The following MDGA2 variants were observed in gnomAD, a reference collection of about 807,000 sequenced individuals.
The protein encoded by MDGA2 is MAM domain-containing glycosylphosphatidylinositol anchor protein 2.
A neutral mutation model predicts 117.8 loss-of-function variants in MDGA2; 40 were observed. That is an observed-to-expected ratio of 0.34 (90% confidence interval 0.26 to 0.44). The LOEUF (loss-of-function observed/expected upper bound fraction) is 0.44. MDGA2 is among the 20% of genes least tolerant of loss of function. The pLI is 1.00. For missense variants in MDGA2, 1,123 were observed against 1,250.6 expected (o/e 0.90, Z 1.54); for synonymous variants, 452 against 439.0 (o/e 1.03, Z -0.37).
chr14:47,301,690 T>C, intron 1 of MDGA2, 140 bp from the exon 2 acceptor site: 1 of 795,198 alleles, frequency 1.3e-6, no homozygotes, highest in South Asian at 2.0e-5. Context: ...TCTTAACACC[T>C]CCCCAAGGCA....
intron 7 of MDGA2, among the ~76,000 whole-genome samples, chr14:47,055,445 A>G (rs1177105178): frequency 6.6e-6 from 1 of 152,020 alleles, no homozygotes; most frequent in African/African-American, 2.4e-5. Context: ...TGCTCTATGG[A>G]ACTCTTGCTG....
intron 10 of MDGA2, among the ~76,000 whole-genome samples, chr14:46,886,494 A>G (rs1465678921): frequency 6.6e-6 from 1 of 152,236 alleles, no homozygotes; most frequent in Non-Finnish European, 1.5e-5. Context: ...AGAAATAATA[A>G]ACACTGAGTT....
At chr14:47,249,776 G>A (rs79268180) in intron 2 of MDGA2, among the ~76,000 whole-genome samples, 6,759 of 152,126 alleles carry the variant, frequency 0.044, 163 homozygotes, top group African/African-American at 0.064. Context: ...GAAGTCCTAC[G>A]GAGTAAGACA....
chr14:47,068,743 G>T (rs555517574), intron 6 of MDGA2, among the ~76,000 whole-genome samples: 1 of 151,882 alleles, frequency 6.6e-6, no homozygotes, highest in Non-Finnish European at 1.5e-5. Context: ...TAGAAAGATT[G>T]GTACAAAATA....
At position 47,599,443 on chromosome 14, in the gene MDGA2, C is replaced by T. The variant is rs1031450379; in HGVS notation, c.280+75074G>A. 2.6e-5 allele frequency among the ~76,000 whole-genome samples: 4 copies of T among 151,880 alleles called. No homozygotes were observed. In the East Asian group the frequency reaches 5.8e-4, roughly 22 times the overall value. On this transcript the variant is annotated intron_variant, in intron 1 of 16. Coordinates refer to ENST00000399232, the MANE Select transcript of MDGA2 (RefSeq NM_001113498.3). Reference sequence around the variant, plus strand: ...CTTACACACAGCTATTTACTGCATTCAATATTTTATTTATTCTAAGAAGTA... The same window carrying T: ...CTTACACACAGCTATTTACTGCATTTAATATTTTATTTATTCTAAGAAGTA...
intron 1 of MDGA2, among the ~76,000 whole-genome samples, chr14:47,510,514 T>G (rs1170357643): frequency 6.6e-6 from 1 of 152,222 alleles, no homozygotes; most frequent in African/African-American, 2.4e-5. Flanking sequence ...GAGTTCTGCC[T>G]AATTTTATTT....
At chr14:47,629,832 A>G (rs1045550813) in intron 1 of MDGA2, among the ~76,000 whole-genome samples, 1 of 152,170 alleles carries the variant, frequency 6.6e-6, no homozygotes, top group African/African-American at 2.4e-5. Context: ...CCCTTGAGGC[A>G]CTTGGGCTTC....
At chr14:47,534,765 G>A (rs867288446) in intron 1 of MDGA2, among the ~76,000 whole-genome samples, 3 of 152,110 alleles carry the variant, frequency 2.0e-5, no homozygotes, top group South Asian at 2.1e-4. Flanking sequence ...GGTATATTGC[G>A]GCACCAATAG....
chr14:47,467,469 C>T (rs1893628335), intron 1 of MDGA2, among the ~76,000 whole-genome samples: 1 of 152,086 alleles, frequency 6.6e-6, no homozygotes, highest in Non-Finnish European at 1.5e-5. Flanking sequence ...TTTCACCCTC[C>T]TCCGTTCATT....
intron 6 of MDGA2, among the ~76,000 whole-genome samples, chr14:47,064,482 T>C (rs1008332661): frequency 6.6e-6 from 1 of 152,104 alleles, no homozygotes; most frequent in African/African-American, 2.4e-5. Context: ...TCATATATAG[T>C]AACAGAGGAC....
intron 3 of MDGA2, among the ~76,000 whole-genome samples, chr14:47,168,284 CAA>C (rs563280796): frequency 1.3e-4 from 8 of 60,186 alleles, no homozygotes; most frequent in Admixed American, 2.0e-4. Context: ...AACTCCATCT[CAA>C]AAAAAAAAAA....
intron 2 of MDGA2, among the ~76,000 whole-genome samples, chr14:47,253,538 C>T (rs542147402): frequency 6.6e-6 from 1 of 152,252 alleles, no homozygotes; most frequent in Non-Finnish European, 1.5e-5. Flanking sequence ...CCAGGGCATG[C>T]TGATGCAAGA....
At chr14:47,255,175 G>GT (rs1887577209) in intron 2 of MDGA2, among the ~76,000 whole-genome samples, 2 of 152,162 alleles carry the variant, frequency 1.3e-5, no homozygotes, top group South Asian at 4.1e-4. Context: ...AATTCTGAAA[G>GT]GTTGAAGTAT....
intron 6 of MDGA2, among the ~76,000 whole-genome samples, chr14:47,093,375 A>T (rs983466277): frequency 2.0e-5 from 3 of 152,138 alleles, no homozygotes; most frequent in African/African-American, 7.2e-5. Flanking sequence ...ACAGTGATTT[A>T]ATTCATGAGA....
chr14:47,202,690 A>G (rs77254893), intron 3 of MDGA2, among the ~76,000 whole-genome samples: 2,216 of 152,304 alleles, frequency 0.015, 51 homozygotes, highest in Admixed American at 0.06. Flanking sequence ...AATGAGCAGC[A>G]TTTAGGTGCA....
In MDGA2 at chr14:47,022,509, A is replaced by C. The variant is rs199565921; in HGVS notation, c.1819+12502T>G. Among the ~76,000 whole-genome samples, 10 of 152,332 alleles carry C rather than the reference A, an allele frequency of 6.6e-5. No individual in the cohort carries two copies. The East Asian group carries it at 1.5e-3, about 24-fold the overall frequency. Reference sequence around the variant, plus strand: ...TTATGTCATGAAGGAAAGAGTTTATAATCTCTTATGAGAGAGACAGAGAAA... The same window carrying C: ...TTATGTCATGAAGGAAAGAGTTTATCATCTCTTATGAGAGAGACAGAGAAA... On this transcript the variant is annotated intron_variant, in intron 8 of 16. Transcript: ENST00000399232.
chr14:47,213,931 G>T (rs1959671571), intron 3 of MDGA2, among the ~76,000 whole-genome samples: 2 of 152,058 alleles, frequency 1.3e-5, no homozygotes, highest in African/African-American at 4.8e-5. Context: ...TTCGCAAGTC[G>T]GCCGTGCTGA....
chr14:47,075,831 T>C (rs1043226211), intron 6 of MDGA2, among the ~76,000 whole-genome samples: 1 of 152,104 alleles, frequency 6.6e-6, no homozygotes, highest in Non-Finnish European at 1.5e-5. Flanking sequence ...AATCAGCTGG[T>C]TTATTGTTAT....
At chr14:47,013,772 G>GTGTGTGTATATA (rs1555343310) in intron 8 of MDGA2, among the ~76,000 whole-genome samples, 1 of 93,686 alleles carries the variant, frequency 1.1e-5, no homozygotes, top group Non-Finnish European at 2.2e-5. Context: ...TAATTTCCTT[G>GTGTGTGTATATA]TATATATATA....
Sources: gnomAD v4.1 joint callset for allele counts (sites outside exome capture counted in the v4.1 genomes callset) on GRCh38, gnomAD v4.1.1 for gene constraint, MANE v1.5 for transcripts, NCBI Gene and HGNC (gene_info 2026-07-23, HGNC 2026-07-21) for gene names.